The following SLC51A variants were observed in gnomAD, a reference collection of about 807,000 sequenced individuals.
The protein encoded by SLC51A is organic solute transporter subunit alpha.
SLC51A carries 22 observed loss-of-function variants against 34.8 expected under a neutral mutation model. That is an observed-to-expected ratio of 0.63 (90% CI 0.45 to 0.90). The LOEUF is 0.90. Ranked by LOEUF, SLC51A falls within the 40% of genes least tolerant of loss-of-function variation. SLC51A has a pLI of 0.00. For missense variants in SLC51A, 371 were observed against 414.8 expected (o/e 0.89, Z 0.92); for synonymous variants, 181 against 176.3 (o/e 1.03, Z -0.21).
In SLC51A at chr3:196,228,050, A is replaced by G; in HGVS notation, c.363-65A>G. Reference sequence around the variant, plus strand: ...CTAGCTCTGCTCCTCAGTAAGCCCCACCTCTCCCTGCTGTCTTTCTCTCTG... The same window carrying G: ...CTAGCTCTGCTCCTCAGTAAGCCCCGCCTCTCCCTGCTGTCTTTCTCTCTG... On this transcript the variant is annotated intron_variant, in intron 4 of 8. Transcript: ENST00000296327. The surrounding 1 kb of genome is among the most constrained non-coding windows in gnomAD (Gnocchi z 4.9). 3.2e-6 allele frequency: 5 copies of G among 1,565,960 alleles called. No individual in the cohort carries two copies. The highest frequency in any genetic ancestry group is 4.3e-6 in the Non-Finnish European group (5 of 1,152,840).
Position 196,228,035 on chromosome 3 carries a change from T to G in SLC51A, c.363-80T>G, listed in dbSNP as rs1723940387. 1 of 1,550,184 alleles carries G rather than the reference T, an allele frequency of 6.5e-7. No individual in the cohort carries two copies. Among genetic ancestry groups the G allele is most frequent in the Non-Finnish European group, 8.8e-7 (1 of 1,142,690 alleles). ...CCAGAACGCCCAGCCCTAGCTCTGC[T>G]CCTCAGTAAGCCCCACCTCTCCCTG... On this transcript the variant is annotated intron_variant, in intron 4 of 8. Coordinates refer to ENST00000296327, the MANE Select transcript of SLC51A (RefSeq NM_152672.6). The surrounding 1 kb of genome is among the most constrained non-coding windows in gnomAD (Gnocchi z 4.9).
At chr3:196,219,162 G>T (rs367624012) in intron 2 of SLC51A, among the ~76,000 whole-genome samples, 1 of 152,176 alleles carries the variant, frequency 6.6e-6, no homozygotes. Context: ...GGAGGCGGAG[G>T]TTGCAGTGAG....
chr3:196,223,297 A>T lies in SLC51A; in HGVS notation c.134-3668A>T, dbSNP rs1364443439. On this transcript the variant is annotated intron_variant, in intron 2 of 8. Coordinates refer to ENST00000296327, the MANE Select transcript of SLC51A (RefSeq NM_152672.6). Reference sequence around the variant, plus strand: ...TTCAACAAATAGTTACAGAGCCGTTACTCCTCCGGGCGTTTGAGAACAGAG... The same window carrying T: ...TTCAACAAATAGTTACAGAGCCGTTTCTCCTCCGGGCGTTTGAGAACAGAG... Among the ~76,000 whole-genome samples, 2 of 151,736 alleles carry T rather than the reference A, an allele frequency of 1.3e-5. 1 individual carries two copies. Among genetic ancestry groups the T allele is most frequent in the Non-Finnish European group, 2.9e-5 (2 of 67,846 alleles).
In SLC51A at chr3:196,232,472, C is replaced by G. The variant is rs201110883; in HGVS notation, c.834C>G (p.Asn278Lys). Reference protein sequence around the residue: ...LQPSIFSVLANGGQIACSPPY... With the variant: ...LQPSIFSVLAKGGQIACSPPY... ...CCTCCATCTTCTCAGTCTTGGCCAA[C>G]GGTGGGCAGATTGCTTGTTCGCCTC... Residue 278 changes from asparagine to lysine, a missense_variant, in exon 8 of 9, where the codon AAC (asparagine) becomes AAG (lysine). Asn to Lys is a moderately conservative substitution (Grantham distance 94). Coordinates refer to ENST00000296327, the MANE Select transcript of SLC51A (RefSeq NM_152672.6). 6.2e-7 allele frequency: 1 copy of G among 1,614,086 alleles called. No individual in the cohort carries two copies. The highest frequency in any genetic ancestry group is 8.5e-7 in the Non-Finnish European group (1 of 1,180,036).
intron 7 of SLC51A, 145 bp downstream of exon 7, chr3:196,230,206 C>T: frequency 1.3e-6 from 1 of 794,754 alleles, no homozygotes; most frequent in Non-Finnish European, 1.8e-6. Flanking sequence ...AAAATGATTC[C>T]TGTGCTTCCC....
chr3:196,233,141 A>G lies in SLC51A; in HGVS notation c.965A>G (p.His322Arg). The change falls in exon 9 of 9, where the codon CAC becomes CGC. Residue 322 changes from histidine to arginine, a missense_variant. By Grantham distance (29) the His-to-Arg change is conservative. Coordinates refer to ENST00000296327, the MANE Select transcript of SLC51A (RefSeq NM_152672.6). ...CGAATGTACTACCGAAGGAAAGACCACAAGGTTGGGTATGAAACTTTCTCT... is the reference window on the plus strand; with the variant it reads ...CGAATGTACTACCGAAGGAAAGACCGCAAGGTTGGGTATGAAACTTTCTCT... ...LTRMYYRRKD[H>R]KVGYETFSSP... is the part of the protein sequence containing the mutation. 1.2e-6 allele frequency: 2 copies of G among 1,614,252 alleles called. No individual in the cohort carries two copies. The highest frequency in any genetic ancestry group is 1.7e-6 in the Non-Finnish European group (2 of 1,180,040).
chr3:196,217,611 GAGAA>G (rs1295085764), intron 1 of SLC51A, among the ~76,000 whole-genome samples: 4 of 150,462 alleles, frequency 2.7e-5, no homozygotes, highest in Admixed American at 6.6e-5. Flanking sequence ...AAGAGAGAAA[GAGAA>G]AGAGAGAGCA....
intron 1 of SLC51A, among the ~76,000 whole-genome samples, chr3:196,217,042 G>A (rs191826466): frequency 4.6e-5 from 7 of 152,328 alleles, no homozygotes; most frequent in East Asian, 1.9e-4. Flanking sequence ...CAGGGGGCCC[G>A]TCCGTCTGTA....
At chr3:196,229,701 A>AAAAAAAAAAAAAAG (rs2108756795) in intron 6 of SLC51A, 1 of 436,916 alleles carries the variant, frequency 2.3e-6, no homozygotes, top group South Asian at 7.5e-5. Context: ...AAAAAAAAAA[A>AAAAAAAAAAAAAAG]AAGTTAGCTG....
At chr3:196,231,568 G>A (rs1473379829) in intron 7 of SLC51A, among the ~76,000 whole-genome samples, 2 of 152,192 alleles carry the variant, frequency 1.3e-5, no homozygotes, top group Non-Finnish European at 2.9e-5. Flanking sequence ...AAGGGGCTAT[G>A]GGAATAGAGA....
intron 2 of SLC51A, among the ~76,000 whole-genome samples, chr3:196,226,127 G>T (rs1170109003): frequency 1.3e-5 from 2 of 152,132 alleles, no homozygotes; most frequent in South Asian, 4.1e-4. Flanking sequence ...GACCAGTCTG[G>T]GCAACGTAGT....
rs534856838 is a variant in SLC51A, at chr3:196,233,315, G to A, written c.*116G>A. On this transcript the variant is annotated 3_prime_UTR_variant, in exon 9 of 9. Coordinates refer to ENST00000296327, the MANE Select transcript of SLC51A (RefSeq NM_152672.6). ...TCCCCCTTGTCAACACAAGCTGGCA[G>A]ATACATTTGACTCTACAGATGAAGG... 28 of 1,176,120 alleles carry A rather than the reference G, an allele frequency of 2.4e-5. No individual in the cohort carries two copies. The highest frequency in any genetic ancestry group is 3.4e-5 in the Non-Finnish European group (28 of 831,970). 72.9% of individuals were successfully genotyped at this position (1,176,120 alleles called of 1,614,324 possible).
intron 7 of SLC51A, among the ~76,000 whole-genome samples, chr3:196,231,811 A>ATCT (rs1220032989): frequency 5.9e-5 from 9 of 152,258 alleles, no homozygotes; most frequent in African/African-American, 2.2e-4. Flanking sequence ...CTGGACAGTG[A>ATCT]TCTTCTTCTT....
At chr3:196,229,838 G>A in intron 6 of SLC51A, 77 bp from the exon 7 acceptor site, 1 of 1,494,798 alleles carries the variant, frequency 6.7e-7, no homozygotes, top group South Asian at 1.3e-5. Context: ...GGGTGACAGA[G>A]TGACACCATC....
intron 2 of SLC51A, 92 bp downstream of exon 2, chr3:196,218,028 C>G: frequency 8.4e-7 from 1 of 1,187,522 alleles, no homozygotes. Context: ...GCTGGTGCAC[C>G]TGGGCAGCCG....
intron 2 of SLC51A, among the ~76,000 whole-genome samples, chr3:196,224,699 G>A (rs1723850896): frequency 1.5e-5 from 1 of 68,110 alleles, no homozygotes; most frequent in African/African-American, 7.5e-5. Context: ...GGGCGGGGCG[G>A]GGGGGGGAGG....
intron 7 of SLC51A, 149 bp downstream of exon 7, chr3:196,230,210 G>A (rs1489386566): frequency 2.5e-6 from 2 of 785,918 alleles, no homozygotes; most frequent in Non-Finnish European, 3.7e-6. Flanking sequence ...TGATTCCTGT[G>A]CTTCCCGCTT....
At chr3:196,229,050 T>C in intron 6 of SLC51A, 130 bp downstream of exon 6, 1 of 752,334 alleles carries the variant, frequency 1.3e-6, no homozygotes, top group Admixed American at 2.4e-5. Context: ...AAACAGAGGC[T>C]CAGGGACTGC....
At chr3:196,229,324 C>T (rs1410788887) in intron 6 of SLC51A, among the ~76,000 whole-genome samples, 2 of 151,124 alleles carry the variant, frequency 1.3e-5, no homozygotes, top group Non-Finnish European at 2.9e-5. Flanking sequence ...GTGGGAGGAT[C>T]ACTTGAAGCC....
Sources: gnomAD v4.1 joint callset for allele counts (sites outside exome capture counted in the v4.1 genomes callset) on GRCh38, gnomAD v4.1.1 for gene constraint, Gnocchi (gnomAD v3.1) non-coding constraint, MANE v1.5 for transcripts, NCBI Gene and HGNC (gene_info 2026-07-23, HGNC 2026-07-21) for gene names.